The following PRKACB variants were observed in gnomAD, a reference collection of about 807,000 sequenced individuals.
PRKACB encodes protein kinase cAMP-activated catalytic subunit beta.
A neutral mutation model predicts 51.4 loss-of-function variants in PRKACB; 16 were observed. That is an observed-to-expected ratio of 0.31 (90% confidence interval 0.21 to 0.47). PRKACB has a LOEUF of 0.47. Among genes scored for constraint, PRKACB ranks in the 20% least tolerant of loss-of-function variants. PRKACB has a pLI of 1.00. For synonymous variants in PRKACB, 147 were observed against 154.4 expected (o/e 0.95, Z 0.35); for missense variants, 309 against 464.5 (o/e 0.67, Z 3.08).
chr1:84,180,180 T>G (rs1662799855), intron 2 of PRKACB, among the ~76,000 whole-genome samples: 1 of 5,864 alleles, frequency 1.7e-4, no homozygotes, highest in African/African-American at 2.6e-4. Context: ...ATAAAGAAAC[T>G]GTGATATATA....
At chr1:84,229,664 G>T (rs1319434494) in intron 9 of PRKACB, among the ~76,000 whole-genome samples, 23 of 151,520 alleles carry the variant, frequency 1.5e-4, no homozygotes. Context: ...GTTTTGATTT[G>T]CATTTCTCTG....
upstream of PRKACB, among the ~76,000 whole-genome samples, chr1:84,143,199 A>T (rs1240751249): frequency 6.6e-6 from 1 of 152,172 alleles, no homozygotes; most frequent in Non-Finnish European, 1.5e-5. Context: ...TAATCCCAGC[A>T]CTTTGGGAGG....
chr1:84,164,895 C>T (rs1656895532), intron 1 of PRKACB: 2 of 1,472,856 alleles, frequency 1.4e-6, no homozygotes, highest in Admixed American at 2.8e-5. Context: ...GCTGCATGCT[C>T]CAGTGTGTGT....
intron 7 of PRKACB, among the ~76,000 whole-genome samples, chr1:84,198,284 T>G (rs1668752261): frequency 6.6e-6 from 1 of 152,136 alleles, no homozygotes; most frequent in Non-Finnish European, 1.5e-5. Context: ...AATTGAATAG[T>G]TTTAGTCTTA....
intron 9 of PRKACB, among the ~76,000 whole-genome samples, chr1:84,230,677 T>C (rs1399427228): frequency 6.7e-6 from 1 of 149,728 alleles, no homozygotes; most frequent in Non-Finnish European, 1.5e-5. Flanking sequence ...CCTAGGTATT[T>C]TATTCTCTTT....
chr1:84,229,942 T>C (rs1238240111), intron 9 of PRKACB, among the ~76,000 whole-genome samples: 1 of 151,554 alleles, frequency 6.6e-6, no homozygotes, highest in Non-Finnish European at 1.5e-5. Flanking sequence ...TTTAATTAGA[T>C]CCCATTTGTC....
intron 1 of PRKACB, among the ~76,000 whole-genome samples, chr1:84,130,189 CAAAAAAAAAAAAAAAAA>C (rs71097833): frequency 1.8e-5 from 1 of 56,184 alleles, no homozygotes. Context: ...GACTCCGTCT[CAAAAAAAAAAAAAAAAA>C]AAAAAAAAGA....
At chr1:84,148,373 G>A (rs1408209723) in intron 1 of PRKACB, among the ~76,000 whole-genome samples, 2 of 151,080 alleles carry the variant, frequency 1.3e-5, no homozygotes, top group African/African-American at 4.9e-5. Context: ...TATTTATATG[G>A]TATAGTTTGT....
intron 9 of PRKACB, among the ~76,000 whole-genome samples, chr1:84,215,363 G>A (rs1238782301): frequency 5.3e-5 from 8 of 152,062 alleles, no homozygotes; most frequent in Non-Finnish European, 1.2e-4. Flanking sequence ...TACTTCCAGG[G>A]GACAGGGAGA....
chr1:84,216,919 T>G (rs1185704997), intron 9 of PRKACB, among the ~76,000 whole-genome samples: 3 of 152,230 alleles, frequency 2.0e-5, no homozygotes, highest in Non-Finnish European at 2.9e-5. Context: ...CACAAGATTT[T>G]CATGAATTTT....
chr1:84,126,240 G>A lies in PRKACB; in HGVS notation c.46+47869G>A, dbSNP rs114803503. On this transcript the variant is annotated intron_variant, in intron 1 of 8. Coordinates refer to the PRKACB transcript ENST00000370688. Reference sequence around the variant, plus strand: ...TTTTGCACCCGCCCTCTTGGTACCCGAGTACTTGTCTGGCATCCAGGAAGA... The same window carrying A: ...TTTTGCACCCGCCCTCTTGGTACCCAAGTACTTGTCTGGCATCCAGGAAGA... 3.7e-3 allele frequency among the ~76,000 whole-genome samples: 569 copies of A among 152,272 alleles called. 2 individuals carry two copies. The highest frequency in any genetic ancestry group is 0.012 in the African/African-American group (514 of 41,546).
chr1:84,140,451 A>C (rs1327578958), upstream of PRKACB, among the ~76,000 whole-genome samples: 1 of 152,182 alleles, frequency 6.6e-6, no homozygotes, highest in African/African-American at 2.4e-5. Flanking sequence ...CAACACTATT[A>C]CCCTAAAACC....
intron 1 of PRKACB, among the ~76,000 whole-genome samples, chr1:84,116,641 A>G (rs1157122282): frequency 6.6e-6 from 1 of 152,124 alleles, no homozygotes; most frequent in Non-Finnish European, 1.5e-5. Flanking sequence ...GTGTATAGAA[A>G]TGCTACTGAT....
chr1:84,151,709 A>G (rs1654876273), intron 1 of PRKACB, among the ~76,000 whole-genome samples: 2 of 151,976 alleles, frequency 1.3e-5, no homozygotes, highest in Admixed American at 1.3e-4. Context: ...GCAAGAAGCA[A>G]CTCCTCACTC....
rs377644515 is a variant in PRKACB, at chr1:84,237,417, T to C, written c.*2112T>C. 62 of 152,682 alleles carry C rather than the reference T, an allele frequency of 4.1e-4. 1 individual carries two copies. In the East Asian group the frequency reaches 7.7e-3, roughly 19 times the overall value. 9.5% of individuals were successfully genotyped at this position (152,682 alleles called of 1,614,324 possible). ...AGTTTTCAGTAATCAAAAAGATTTC[T>C]ATGAATTCTAAAAAATATTTTTTTC... On this transcript the variant is annotated 3_prime_UTR_variant, in exon 10 of 10. Coordinates refer to ENST00000370685, the MANE Select transcript of PRKACB (RefSeq NM_182948.4).
intron 1 of PRKACB, among the ~76,000 whole-genome samples, chr1:84,133,876 AC>A (rs36025539): frequency 0.43 from 65,484 of 151,950 alleles, 15,674 homozygotes; most frequent in Non-Finnish European, 0.56. Context: ...AGTTCAGTGG[AC>A]CCTTTGCCTG....
intron 1 of PRKACB, among the ~76,000 whole-genome samples, chr1:84,081,824 G>A (rs556120293): frequency 2.0e-5 from 3 of 152,276 alleles, no homozygotes; most frequent in South Asian, 2.1e-4. Flanking sequence ...TGTTGGTAGA[G>A]GTTTGAATGT....
intron 1 of PRKACB, among the ~76,000 whole-genome samples, chr1:84,111,361 A>T (rs1650215172): frequency 6.6e-6 from 1 of 152,134 alleles, no homozygotes; most frequent in African/African-American, 2.4e-5. Flanking sequence ...AATGTTTACT[A>T]AGATCTTACA....
chr1:84,103,223 T>G (rs1649485745), intron 1 of PRKACB, among the ~76,000 whole-genome samples: 1 of 152,202 alleles, frequency 6.6e-6, no homozygotes, highest in Non-Finnish European at 1.5e-5. Flanking sequence ...CATAGCATAT[T>G]TCTTCATTCC....
Sources: allele counts gnomAD v4.1 joint callset (sites outside exome capture counted in the v4.1 genomes callset), GRCh38; gene constraint gnomAD v4.1.1; transcripts MANE v1.5; gene names NCBI Gene and HGNC (gene_info 2026-07-23, HGNC 2026-07-21).